Variants in RBM19 observed in about 807,000 individuals in gnomAD.
RBM19 encodes RNA binding motif protein 19, also known as probable RNA-binding protein 19.
Under a neutral mutation model 116.8 loss-of-function variants are expected in RBM19, and 94 were observed. That is an observed-to-expected ratio of 0.80 (90% CI 0.68 to 0.95). The LOEUF (loss-of-function observed/expected upper bound fraction) is 0.95. Ranked by LOEUF, RBM19 falls within the 40% of genes least tolerant of loss-of-function variation. The probability of loss-of-function intolerance (pLI) is 0.00; values close to 1 mark genes in which losing one functional copy is unlikely to be tolerated. For synonymous variants in RBM19, 475 were observed against 494.1 expected (o/e 0.96, Z 0.51); for missense variants, 1,161 against 1,220.7 (o/e 0.95, Z 0.73).
rs1251238561 is a variant in RBM19 at position 113,823,176 on chromosome 12, TGTCCCG to T, written c.*42_*47del. The T allele has an allele frequency of 6.5e-7, 1 of 1,540,048 alleles. No homozygotes were observed. The highest frequency in any genetic ancestry group is 1.4e-5 in the African/African-American group (1 of 73,310). On this transcript the variant is annotated 3_prime_UTR_variant, in exon 24 of 24. Transcript: ENST00000261741. ...TGGTGAGTGCAGAAGCTGGAGCGGC[TGTCCCG>T]GTCCCCAGGGCCCCGGAGCCACACA...
At chr12:113,877,405 T>G (rs537902757) in intron 21 of RBM19, among the ~76,000 whole-genome samples, 73 of 152,312 alleles carry the variant, frequency 4.8e-4, no homozygotes, top group African/African-American at 1.7e-3. Context: ...GGGAGCCCTG[T>G]GGCCAGATCT....
In RBM19 at chr12:113,847,757, T is replaced by C. The variant is rs536054980; in HGVS notation, c.2665-2969A>G. On this transcript the variant is annotated intron_variant, in intron 22 of 23. Transcript: ENST00000261741. The stretch of plus-strand genomic sequence containing the variant: ...TCTGTTTCCCACTGTCAGATTTCAA[T>C]GTTTCTTTCTCTCCCTTGGAAGCCA... Among the ~76,000 whole-genome samples the C allele has an allele frequency of 1.6e-3, 240 of 152,340 alleles. 1 individual carries two copies. Among genetic ancestry groups the C allele is most frequent in the Non-Finnish European group, 3.0e-3 (203 of 68,028 alleles).
intron 16 of RBM19, among the ~76,000 whole-genome samples, chr12:113,928,624 G>GGTGTGTGTGTGTGT (rs757641377): frequency 0.018 from 994 of 54,276 alleles, 19 homozygotes; most frequent in African/African-American, 0.071. Flanking sequence ...GTTAGCAAGG[G>GGTGTGTGTGTGTGT]ATGTGTGTGT....
intron 21 of RBM19, among the ~76,000 whole-genome samples, chr12:113,912,888 C>T (rs1330273299): frequency 1.3e-5 from 2 of 152,150 alleles, no homozygotes; most frequent in East Asian, 1.9e-4. Flanking sequence ...CTCACAGCGA[C>T]CCCTGCTGTC....
intron 21 of RBM19, among the ~76,000 whole-genome samples, chr12:113,866,601 T>C (rs1165296992): frequency 1.3e-5 from 2 of 152,244 alleles, no homozygotes; most frequent in African/African-American, 2.4e-5. Flanking sequence ...CCTGGACTGA[T>C]ACCTGGACTG....
chr12:113,856,297 C>T (rs1877896882), intron 22 of RBM19, among the ~76,000 whole-genome samples: 1 of 152,220 alleles, frequency 6.6e-6, no homozygotes, highest in Admixed American at 6.5e-5. Context: ...CCTGGGTGTG[C>T]CAAGTGCGAG....
intron 23 of RBM19, among the ~76,000 whole-genome samples, chr12:113,836,177 T>G (rs902376049): frequency 2.0e-5 from 3 of 152,064 alleles, no homozygotes; most frequent in Admixed American, 6.5e-5. Flanking sequence ...ACGGGGCTGC[T>G]GCGCTGGAGA....
Position 113,966,249 on chromosome 12 carries a change from T to A in RBM19, c.-22A>T. 6.2e-7 allele frequency: 1 copy of A among 1,614,144 alleles called. No homozygotes were observed. Among genetic ancestry groups the A allele is most frequent in the Non-Finnish European group, 8.5e-7 (1 of 1,180,018 alleles). ...ACATGGCGCAGGGTCCCCGCTGTTT[T>A]GATTCCAACACGACTGGTCAGCGTC... On this transcript the variant is annotated 5_prime_UTR_variant, in exon 1 of 24. Transcript: ENST00000261741.
intron 1 of RBM19, among the ~76,000 whole-genome samples, chr12:113,964,555 C>T (rs1872721983): frequency 6.6e-6 from 1 of 152,164 alleles, no homozygotes; most frequent in Non-Finnish European, 1.5e-5. Flanking sequence ...AGCAAGGCAT[C>T]AAGAGACATG....
intron 21 of RBM19, among the ~76,000 whole-genome samples, chr12:113,894,974 A>G (rs747266156): frequency 3.3e-5 from 5 of 152,244 alleles, no homozygotes; most frequent in Non-Finnish European, 7.3e-5. Flanking sequence ...GACAAGGCCC[A>G]TCGCAGGGGA....
At chr12:113,856,304 C>T (rs141177285) in intron 22 of RBM19, among the ~76,000 whole-genome samples, 12 of 152,314 alleles carry the variant, frequency 7.9e-5, no homozygotes, top group Admixed American at 5.2e-4. Context: ...GTGCCAAGTG[C>T]GAGCCACCTG....
chr12:113,895,548 G>A (rs1216013944), intron 21 of RBM19, among the ~76,000 whole-genome samples: 3 of 152,284 alleles, frequency 2.0e-5, no homozygotes, highest in South Asian at 2.1e-4. Context: ...CAGAAAACAC[G>A]ACATCATTTT....
At chr12:113,954,472 C>T (rs567378451) in intron 7 of RBM19, among the ~76,000 whole-genome samples, 5 of 152,310 alleles carry the variant, frequency 3.3e-5, no homozygotes, top group Admixed American at 2.6e-4. Flanking sequence ...AGTCGTTAGA[C>T]CTGCGGTAAT....
At chr12:113,888,544 C>A (rs1348286550) in intron 21 of RBM19, among the ~76,000 whole-genome samples, 1 of 152,024 alleles carries the variant, frequency 6.6e-6, no homozygotes, top group Non-Finnish European at 1.5e-5. Flanking sequence ...TTTTTCAAAG[C>A]CCCTTTATGT....
chr12:113,920,738 A>T, intron 18 of RBM19, 48 bp from the exon 19 acceptor site: 1 of 1,550,176 alleles, frequency 6.5e-7, no homozygotes, highest in Non-Finnish European at 8.9e-7. Flanking sequence ...GCGGAAGCAC[A>T]AGGCCAAGTG....
intron 21 of RBM19, among the ~76,000 whole-genome samples, chr12:113,880,549 A>G (rs892269352): frequency 6.6e-6 from 1 of 152,144 alleles, no homozygotes; most frequent in Non-Finnish European, 1.5e-5. Flanking sequence ...AAGCAGAGTG[A>G]TGTCACAGCT....
chr12:113,821,381 ACCAGAAGGTTCAG>A (rs1245244009), downstream of RBM19, among the ~76,000 whole-genome samples: 2 of 152,136 alleles, frequency 1.3e-5, no homozygotes, highest in East Asian at 1.9e-4. Flanking sequence ...AATTGTATAG[ACCAGAAGGTTCAG>A]CCAGAAGGAG....
chr12:113,852,347 T>C (rs1011387403), intron 22 of RBM19, among the ~76,000 whole-genome samples: 3 of 152,176 alleles, frequency 2.0e-5, no homozygotes, highest in Admixed American at 1.3e-4. Context: ...TCTCAGCCCA[T>C]ATACATGTGT....
intron 4 of RBM19, 148 bp from the exon 5 acceptor site, chr12:113,959,552 G>C: frequency 1.0e-6 from 1 of 972,070 alleles, no homozygotes; most frequent in South Asian, 1.7e-5. Flanking sequence ...GGAGGACCCC[G>C]AGGTTCAGCT....
Sources: gnomAD v4.1 joint callset for allele counts (sites outside exome capture counted in the v4.1 genomes callset) on GRCh38, gnomAD v4.1.1 for gene constraint, MANE v1.5 for transcripts, NCBI Gene and HGNC (gene_info 2026-07-23, HGNC 2026-07-21) for gene names.